MYH2: variants seen among roughly 807,000 people sequenced by gnomAD.
The protein encoded by MYH2 is myosin-2.
MYH2 carries 139 observed loss-of-function variants against 228.1 expected under a neutral mutation model. The observed-to-expected ratio is 0.61, with a 90% CI of 0.53 to 0.70. The LOEUF (loss-of-function observed/expected upper bound fraction) is 0.70. Ranked by LOEUF, MYH2 falls within the 30% of genes least tolerant of loss-of-function variation. The probability of loss-of-function intolerance (pLI) is 0.00; values close to 1 mark genes in which losing one functional copy is unlikely to be tolerated. For missense variants in MYH2, 1,809 were observed against 2,357.5 expected (o/e 0.77, Z 4.82); for synonymous variants, 796 against 871.1 (o/e 0.91, Z 1.52).
chr17:10,543,266 G>A (rs2073581536), intron 8 of MYH2, 105 bp from the exon 9 acceptor site: 1 of 877,236 alleles, frequency 1.1e-6, no homozygotes, highest in East Asian at 2.6e-5. Flanking sequence ...TCAATTCAGA[G>A]AGTATTTGCA....
In MYH2 at chr17:10,539,265, G is replaced by T. The variant is rs2073521441; in HGVS notation, c.1356C>A (p.Thr452=). 6.2e-7 allele frequency: 1 copy of T among 1,614,070 alleles called. No homozygotes were observed. The highest frequency in any genetic ancestry group is 1.7e-5 in the Admixed American group (1 of 60,006). Residue 452 remains threonine, a synonymous_variant, in exon 14 of 40, where the codon ACC becomes ACA. Transcript: ENST00000245503. ...CGATGAAGTACTGCCTGGGCTGCTT[G>T]GTGTCCAGCTGCTGGTTGATGCGGG... ...MVARINQQLD[T]KQPRQYFIGV...
rs1343168156 is a variant in MYH2, at chr17:10,531,779, T to C, written c.2551A>G (p.Thr851Ala). The C allele has an allele frequency of 1.2e-6, 2 of 1,614,122 alleles. No homozygotes were observed. Among genetic ancestry groups the C allele is most frequent in the African/African-American group, 1.3e-5 (1 of 74,948 alleles). ...KIKPLLKSAE[T>A]EKEMATMKEE... is the part of the protein sequence containing the mutation. ...TTCATGGTGGCCATCTCCTTCTCAGTTTCTGCACTCTTCAACAGAGGCTTG... is the reference window on the plus strand; with the variant it reads ...TTCATGGTGGCCATCTCCTTCTCAGCTTCTGCACTCTTCAACAGAGGCTTG... Residue 851 changes from threonine (T) to alanine (A), a missense_variant, in exon 22 of 40, where the codon ACT becomes GCT. By Grantham distance (58) the Thr-to-Ala change is moderately conservative (BLOSUM62 0). Transcript: ENST00000245503.
chr17:10,521,560 T>A, intron 39 of MYH2, 128 bp from the exon 40 acceptor site: 1 of 759,872 alleles, frequency 1.3e-6, no homozygotes, highest in Non-Finnish European at 2.1e-6. Flanking sequence ...AAATTAATTT[T>A]AAGATTTGTT....
intron 16 of MYH2, 115 bp from the exon 17 acceptor site, chr17:10,536,721 C>G: frequency 1.1e-6 from 1 of 887,058 alleles, no homozygotes; most frequent in Non-Finnish European, 1.8e-6. Flanking sequence ...GCTGGCCTCT[C>G]TGATTGAGCC....
rs1183264607 is a variant in MYH2, at chr17:10,537,050, G to A, written c.1897+183C>T. On this transcript the variant is annotated intron_variant, in intron 16 of 39. Transcript: ENST00000245503. This position sits in a 1 kb window ranked among gnomAD's most constrained non-coding sequence, Gnocchi z 4.0. Reference sequence around the variant, plus strand: ...GATAATCCTCTCTGACTCTGCAATAGGGCTCCTGTCAGCAGTGGAGTGAGC... The same window carrying A: ...GATAATCCTCTCTGACTCTGCAATAAGGCTCCTGTCAGCAGTGGAGTGAGC... Among the ~76,000 whole-genome samples, 4 of 152,138 alleles carry A rather than the reference G, an allele frequency of 2.6e-5. No individual in the cohort carries two copies. Among genetic ancestry groups the A allele is most frequent in the African/African-American group, 9.7e-5 (4 of 41,426 alleles).
Position 10,525,319 on chromosome 17 carries a change from C to T in MYH2, c.4567G>A (p.Ala1523Thr). Residue 1523 changes from alanine to threonine, a missense_variant, in exon 33 of 40, where the codon GCA becomes ACA. Ala to Thr is a moderately conservative substitution (Grantham distance 58, BLOSUM62 0). This residue lies in a region of MYH2 where 636 missense variants were observed against 729.9 expected (regional missense o/e 0.87). Coordinates refer to ENST00000245503, the MANE Select transcript of MYH2 (RefSeq NM_017534.6). The surrounding 1 kb of genome is among the most constrained non-coding windows in gnomAD (Gnocchi z 4.2). The stretch of plus-strand genomic sequence containing the variant: ...TCATGGATACGTTTCCCTCCTTCTG[C>T]AATCTGTTCCGTGAGGTCAGAAATC... ...QEISDLTEQI[A>T]EGGKRIHELE... 6.2e-7 allele frequency: 1 copy of T among 1,614,130 alleles called. No individual in the cohort carries two copies. The highest frequency in any genetic ancestry group is 8.5e-7 in the Non-Finnish European group (1 of 1,180,024).
At position 10,535,263 on chromosome 17, in the gene MYH2, T is replaced by A; in HGVS notation, c.2062+15A>T. On this transcript the variant is annotated intron_variant, in intron 18 of 39. Transcript: ENST00000245503. ...TGGCAGTCATCCTTTGCACTTTCAT[T>A]ATGGAATTTCTTACCAGGAGTTTTT... 1 of 1,613,994 alleles carries A rather than the reference T, an allele frequency of 6.2e-7. No homozygotes were observed.
At position 10,523,873 on chromosome 17, in the gene MYH2, C is replaced by A; in HGVS notation, c.5187G>T (p.Leu1729=). Residue 1729 remains leucine (L), a synonymous_variant, in exon 36 of 40, where the codon CTG becomes CTT. Coordinates refer to ENST00000245503, the MANE Select transcript of MYH2 (RefSeq NM_017534.6). ...TCTCCAGCTTCTTCTTGGTGTTGAT[C>A]AGGCTGGTGTTCTGTTTAAAAAGAA... ...VQLLHTQNTS[L]INTKKKLETD... The A allele has an allele frequency of 1.9e-6, 3 of 1,613,640 alleles. No homozygotes were observed. The highest frequency in any genetic ancestry group is 2.5e-6 in the Non-Finnish European group (3 of 1,179,652).
chr17:10,538,384 C>T (rs1446658657), intron 14 of MYH2, among the ~76,000 whole-genome samples: 1 of 151,734 alleles, frequency 6.6e-6, no homozygotes, highest in African/African-American at 2.4e-5. Context: ...TTTAAAAATT[C>T]CCCAAACAGC....
chr17:10,524,324 G>A lies in MYH2; in HGVS notation c.5175+142C>T, dbSNP rs371387995. 7.3e-4 allele frequency: 819 copies of A among 1,122,314 alleles called. 7 individuals carry two copies. In the East Asian group the frequency reaches 9.3e-3, roughly 13 times the overall value. The allele number at this position is 1,122,314 out of a possible 1,614,324, so 69.5% of individuals were successfully genotyped here. ...AAGCAAAACAGTGAAAGATTTCTCA[G>A]TAATGCAGAATTACTATTCTGTATT... On this transcript the variant is annotated intron_variant, in intron 35 of 39. Transcript: ENST00000245503. The surrounding 1 kb of genome is among the most constrained non-coding windows in gnomAD (Gnocchi z 4.7).
In MYH2 at chr17:10,541,440, G is replaced by A. The variant is rs147138041; in HGVS notation, c.905-743C>T. 3.0e-3 allele frequency among the ~76,000 whole-genome samples: 459 copies of A among 152,166 alleles called. 8 individuals carry two copies. Among genetic ancestry groups the A allele is most frequent in the Admixed American group, 0.022 (337 of 15,278 alleles). The stretch of plus-strand genomic sequence containing the variant: ...AGGCCTATTAGGACAAGGAAATCCC[G>A]CCTAGTAAATTTTAATCAGACCGGT... On this transcript the variant is annotated intron_variant, in intron 10 of 39. Transcript: ENST00000245503.
Position 10,537,361 on chromosome 17 carries a change from TCCA to T in MYH2, c.1766_1768del (p.Val589del). ...CTCCAGCCAGCCAGTAATGTTGTAG[TCCA>T]CAACACCAGCATAGTGAATCAGAGC... On this transcript the variant is annotated inframe_deletion, in exon 16 of 40. Transcript: ENST00000245503. The surrounding 1 kb of genome is among the most constrained non-coding windows in gnomAD (Gnocchi z 4.0). 6.2e-7 allele frequency: 1 copy of T among 1,614,184 alleles called. No individual in the cohort carries two copies. Among genetic ancestry groups the T allele is most frequent in the Non-Finnish European group, 8.5e-7 (1 of 1,180,040 alleles).
At position 10,536,501 on chromosome 17, in the gene MYH2, G is replaced by A. The variant is rs111832724; in HGVS notation, c.1974+29C>T. On this transcript the variant is annotated intron_variant, in intron 17 of 39. Coordinates refer to ENST00000245503, the MANE Select transcript of MYH2 (RefSeq NM_017534.6). Reference sequence around the variant, plus strand: ...TGTAAAAAAAATCCCAAAGTAATTGGAGAATGTCAAAAACAATTTCTTCCT... The same window carrying A: ...TGTAAAAAAAATCCCAAAGTAATTGAAGAATGTCAAAAACAATTTCTTCCT... 3.8e-6 allele frequency: 6 copies of A among 1,595,598 alleles called. No homozygotes were observed. The African/African-American group carries it at 4.0e-5, about 11-fold the overall frequency.
intron 27 of MYH2, among the ~76,000 whole-genome samples, 173 bp from the exon 28 acceptor site, chr17:10,528,047 C>CTCT (rs1555570303): frequency 3.5e-4 from 46 of 131,872 alleles, no homozygotes; most frequent in African/African-American, 1.2e-3. Context: ...TTCTTTCTTT[C>CTCT]TTTTTTTTTT....
chr17:10,538,488 C>T (rs929582461), intron 14 of MYH2, among the ~76,000 whole-genome samples: 2 of 151,774 alleles, frequency 1.3e-5, no homozygotes, highest in Non-Finnish European at 2.9e-5. Flanking sequence ...AAAAAAAATA[C>T]AAAAACATTA....
chr17:10,525,632 C>G lies in MYH2; in HGVS notation c.4372-16G>C, dbSNP rs1555569956. On this transcript the variant is annotated splice_polypyrimidine_tract_variant and intron_variant, in intron 31 of 39. Coordinates refer to ENST00000245503, the MANE Select transcript of MYH2 (RefSeq NM_017534.6). The surrounding 1 kb of genome is among the most constrained non-coding windows in gnomAD (Gnocchi z 4.2). Reference sequence around the variant, plus strand: ...CTGCCAGGATCTGAAAAACCAAGACCTGTTACCTGCTGCAAAGACAAAAGA... The same window carrying G: ...CTGCCAGGATCTGAAAAACCAAGACGTGTTACCTGCTGCAAAGACAAAAGA... 10 of 1,614,140 alleles carry G rather than the reference C, an allele frequency of 6.2e-6. No homozygotes were observed. The highest frequency in any genetic ancestry group is 1.7e-5 in the Admixed American group (1 of 60,018).
Position 10,525,845 on chromosome 17 carries a change from C to T in MYH2, c.4219G>A (p.Glu1407Lys). The change falls in exon 31 of 40, where the codon GAG (glutamate) becomes AAG (lysine). Residue 1407 changes from glutamate (E) to lysine (K), a missense_variant. Physicochemically the swap from Glu to Lys is moderately conservative, Grantham distance 56. Coordinates refer to ENST00000245503, the MANE Select transcript of MYH2 (RefSeq NM_017534.6). This position sits in a 1 kb window ranked among gnomAD's most constrained non-coding sequence, Gnocchi z 4.2. ...GCGTTCACAGCTTCTACATGTTCCT[C>T]AGCTGCCTGCAGCCGCTGGGCCAGC... ...KKLAQRLQAA[E>K]EHVEAVNAKC... The T allele has an allele frequency of 3.1e-6, 5 of 1,614,206 alleles. No homozygotes were observed. Among genetic ancestry groups the T allele is most frequent in the Non-Finnish European group, 4.2e-6 (5 of 1,180,034 alleles).
Position 10,533,548 on chromosome 17 carries a change from G to A in MYH2, c.2265C>T (p.Ile755=), listed in dbSNP as rs146411264. ...ATTTATACTGGGTGTGGTCAATGTC[G>A]ATGGATGCAAGGAGCTTCTCAGAGG... The part of the protein sequence containing the change: ...KKASEKLLAS[I]DIDHTQYKFG... The change falls in exon 20 of 40, where the codon ATC becomes ATT. Residue 755 remains isoleucine, a synonymous_variant. Transcript: ENST00000245503. The A allele has an allele frequency of 6.0e-5, 97 of 1,614,034 alleles. No homozygotes were observed. The highest frequency in any genetic ancestry group is 7.1e-5 in the Non-Finnish European group (84 of 1,180,010).
At chr17:10,540,192 T>C in intron 11 of MYH2, 126 bp from the exon 12 acceptor site, 2 of 1,318,476 alleles carry the variant, frequency 1.5e-6, no homozygotes, top group Non-Finnish European at 2.2e-6. Context: ...ACCCCTTAGA[T>C]TGGGTATATA....
Sources: allele counts gnomAD v4.1 joint callset (sites outside exome capture counted in the v4.1 genomes callset), GRCh38; gene constraint gnomAD v4.1.1; regional missense constraint gnomAD v4.1.1; non-coding constraint Gnocchi (gnomAD v3.1); transcripts MANE v1.5; gene names NCBI Gene and HGNC (gene_info 2026-07-23, HGNC 2026-07-21).